UNC5A: variants seen among roughly 807,000 people sequenced by gnomAD.
UNC5A encodes unc-5 netrin receptor A, also known as netrin receptor UNC5A.
UNC5A carries 20 observed loss-of-function variants against 87.4 expected under a neutral mutation model. The ratio of observed to expected loss-of-function variants is 0.23; its 90% CI spans 0.16 to 0.33. The LOEUF is 0.33. Ranked by LOEUF, UNC5A falls within the 10% of genes least tolerant of loss-of-function variation. The pLI, the probability that UNC5A is intolerant of heterozygous loss-of-function variation, is 1.00. For synonymous variants in UNC5A, 438 were observed against 482.3 expected (o/e 0.91, Z 1.20); for missense variants, 844 against 1,133.4 (o/e 0.74, Z 3.67).
At chr5:176,829,156 AGATG>A (rs70991573) in intron 1 of UNC5A, among the ~76,000 whole-genome samples, 7,411 of 121,778 alleles carry the variant, frequency 0.061, 726 homozygotes, top group African/African-American at 0.21. Flanking sequence ...AAAGAAAGAA[AGATG>A]GATGGATGGA....
At position 176,838,727 on chromosome 5, in the gene UNC5A, G is replaced by GC. The variant is rs1757201341; in HGVS notation, c.71-23894dup. Reference sequence around the variant, plus strand: ...GTACTGGGATGACTGCAGCAGCACAGCCCTCACATCCTCACCCCACACCTT... The same window carrying GC: ...GTACTGGGATGACTGCAGCAGCACAGCCCCTCACATCCTCACCCCACACCTT... On this transcript the variant is annotated intron_variant, in intron 1 of 14. Coordinates refer to ENST00000329542, the MANE Select transcript of UNC5A (RefSeq NM_133369.3). This position sits in a 1 kb window ranked among gnomAD's most constrained non-coding sequence, Gnocchi z 4.2. Among the ~76,000 whole-genome samples, 1 of 152,206 alleles carries GC rather than the reference G, an allele frequency of 6.6e-6. No individual in the cohort carries two copies. Among genetic ancestry groups the GC allele is most frequent in the Non-Finnish European group, 1.5e-5 (1 of 68,030 alleles).
At chr5:176,859,279 C>G (rs867452739) in intron 1 of UNC5A, among the ~76,000 whole-genome samples, 101 of 19,264 alleles carry the variant, frequency 5.2e-3, no homozygotes, top group Middle Eastern at 0.026. Flanking sequence ...ATAGCTGCTA[C>G]AATGTCCTTG....
At chr5:176,819,606 G>A (rs966300609) in intron 1 of UNC5A, among the ~76,000 whole-genome samples, 3 of 152,160 alleles carry the variant, frequency 2.0e-5, no homozygotes, top group African/African-American at 7.2e-5. Context: ...GGCTCCGCAC[G>A]GGATAGGGGA....
Position 176,837,856 on chromosome 5 carries a change from G to A in UNC5A, c.71-24768G>A, listed in dbSNP as rs553978853. Among the ~76,000 whole-genome samples the A allele has an allele frequency of 7.2e-5, 11 of 152,078 alleles. No individual in the cohort carries two copies. The South Asian group carries it at 2.3e-3, about 32-fold the overall frequency. On this transcript the variant is annotated intron_variant, in intron 1 of 14. Coordinates refer to ENST00000329542, the MANE Select transcript of UNC5A (RefSeq NM_133369.3). ...TTCAGCACCGTGGACAGCCCCAGGC[G>A]CTCCACAGAGGCTGTCCCTCTGCGG...
intron 1 of UNC5A, among the ~76,000 whole-genome samples, chr5:176,835,213 A>G (rs985461698): frequency 6.6e-6 from 1 of 152,260 alleles, no homozygotes; most frequent in Non-Finnish European, 1.5e-5. Flanking sequence ...CTGGAGGTGA[A>G]CATTGGCACT....
chr5:176,863,749 T>C (rs544521189), intron 2 of UNC5A, among the ~76,000 whole-genome samples: 127 of 38,960 alleles, frequency 3.3e-3, no homozygotes, highest in African/African-American at 0.012. Flanking sequence ...CTCCCTCTCC[T>C]CCTCCCTCCC....
Position 176,841,501 on chromosome 5 carries a change from T to C in UNC5A, c.71-21123T>C, listed in dbSNP as rs1163134206. On this transcript the variant is annotated intron_variant, in intron 1 of 14. Transcript: ENST00000329542. The surrounding 1 kb of genome is among the most constrained non-coding windows in gnomAD (Gnocchi z 4.1). ...CTGTGGACATGTTATTGATTGAATG[T>C]CTCTGAGCCTCAGTTTGTCACCTGT... 6.6e-6 allele frequency among the ~76,000 whole-genome samples: 1 copy of C among 152,208 alleles called. No individual in the cohort carries two copies. The highest frequency in any genetic ancestry group is 2.4e-5 in the African/African-American group (1 of 41,444).
At chr5:176,840,156 C>G (rs1366412950) in intron 1 of UNC5A, among the ~76,000 whole-genome samples, 2 of 152,222 alleles carry the variant, frequency 1.3e-5, no homozygotes, top group Admixed American at 6.5e-5. Flanking sequence ...CGCGCCTGGC[C>G]TCTTCATTAA....
intron 1 of UNC5A, among the ~76,000 whole-genome samples, chr5:176,862,150 T>C (rs559052251): frequency 6.6e-6 from 1 of 152,178 alleles, no homozygotes; most frequent in Non-Finnish European, 1.5e-5. Flanking sequence ...GCACCTACTA[T>C]GTGCAGGGCC....
chr5:176,811,765 G>T (rs1317326627), intron 1 of UNC5A, among the ~76,000 whole-genome samples: 1 of 152,078 alleles, frequency 6.6e-6, no homozygotes, highest in Non-Finnish European at 1.5e-5. Context: ...CCATTTGTGT[G>T]GTCAAGGGGG....
chr5:176,866,784 C>A lies in UNC5A; in HGVS notation c.293-1346C>A, dbSNP rs1010990035. ...CCCCCTCGTTCTCAGCCTGCCCACCCCACCCCCTGAGAGTGTCCACACTGG... is the reference window on the plus strand; with the variant it reads ...CCCCCTCGTTCTCAGCCTGCCCACCACACCCCCTGAGAGTGTCCACACTGG... On this transcript the variant is annotated intron_variant, in intron 2 of 14. Transcript: ENST00000329542. The surrounding 1 kb of genome is among the most constrained non-coding windows in gnomAD (Gnocchi z 5.0). Among the ~76,000 whole-genome samples the A allele has an allele frequency of 6.6e-6, 1 of 152,158 alleles. No homozygotes were observed. Among genetic ancestry groups the A allele is most frequent in the Non-Finnish European group, 1.5e-5 (1 of 68,030 alleles).
chr5:176,831,871 C>T (rs527476704), intron 1 of UNC5A, among the ~76,000 whole-genome samples: 1 of 144,696 alleles, frequency 6.9e-6, no homozygotes, highest in South Asian at 2.2e-4. Context: ...CACTTTCACA[C>T]ACTTTCTCTC....
At position 176,844,280 on chromosome 5, in the gene UNC5A, G is replaced by A. The variant is rs936078129; in HGVS notation, c.71-18344G>A. On this transcript the variant is annotated intron_variant, in intron 1 of 14. Coordinates refer to ENST00000329542, the MANE Select transcript of UNC5A (RefSeq NM_133369.3). This position sits in a 1 kb window ranked among gnomAD's most constrained non-coding sequence, Gnocchi z 4.2. ...TGGTCCTGGTATCCCGTGGGCCACC[G>A]GGGTTCTCTTGGTGGGTGTGGCACA... Among the ~76,000 whole-genome samples the A allele has an allele frequency of 4.6e-5, 7 of 152,150 alleles. No homozygotes were observed. The highest frequency in any genetic ancestry group is 6.5e-5 in the Admixed American group (1 of 15,274).
At chr5:176,819,500 T>C (rs1419229670) in intron 1 of UNC5A, among the ~76,000 whole-genome samples, 3 of 152,194 alleles carry the variant, frequency 2.0e-5, no homozygotes, top group Admixed American at 6.5e-5. Context: ...ATCTCTGCTC[T>C]TGGGGATTCG....
intron 1 of UNC5A, 88 bp from the exon 2 acceptor site, chr5:176,862,536 A>C: frequency 7.8e-7 from 1 of 1,288,042 alleles, no homozygotes; most frequent in Non-Finnish European, 1.1e-6. Flanking sequence ...CATCTGCCCC[A>C]ACCCACGGTG....
intron 1 of UNC5A, among the ~76,000 whole-genome samples, chr5:176,823,231 G>A (rs1233616767): frequency 6.6e-6 from 1 of 151,918 alleles, no homozygotes; most frequent in African/African-American, 2.4e-5. Context: ...GGAGCCTGGG[G>A]AAGTGATGTC....
intron 1 of UNC5A, among the ~76,000 whole-genome samples, chr5:176,829,554 T>C (rs1383218741): frequency 7.7e-6 from 1 of 129,670 alleles, no homozygotes; most frequent in Non-Finnish European, 1.6e-5. Context: ...TGGGTGGACG[T>C]ATGAAAGATG....
At chr5:176,868,521 G>A (rs766721100) in intron 3 of UNC5A, 40 bp from the exon 4 acceptor site, 184 of 1,558,988 alleles carry the variant, frequency 1.2e-4, no homozygotes, top group Middle Eastern at 1.9e-4. Flanking sequence ...GAGCCTGTGC[G>A]AGGCCCTCAG....
chr5:176,873,745 A>T (rs1758187500), intron 6 of UNC5A, among the ~76,000 whole-genome samples: 1 of 152,208 alleles, frequency 6.6e-6, no homozygotes, highest in Non-Finnish European at 1.5e-5. Context: ...TCTCAAGCCC[A>T]CGAGGAATGT....
Sources: allele counts gnomAD v4.1 joint callset (sites outside exome capture counted in the v4.1 genomes callset), GRCh38; gene constraint gnomAD v4.1.1; non-coding constraint Gnocchi (gnomAD v3.1); transcripts MANE v1.5; gene names NCBI Gene and HGNC (gene_info 2026-07-23, HGNC 2026-07-21).